The following GJA1 variants were observed in gnomAD, a reference collection of about 807,000 sequenced individuals.
The protein encoded by GJA1 is gap junction protein alpha 1.
GJA1 carries 9 observed loss-of-function variants against 31.0 expected under a neutral mutation model. The ratio of observed to expected loss-of-function variants is 0.29; its 90% CI spans 0.17 to 0.51. The LOEUF is 0.51. Among genes scored for constraint, GJA1 ranks in the 20% least tolerant of loss-of-function variants. The pLI is 0.98. For synonymous variants in GJA1, 186 were observed against 180.1 expected (o/e 1.03, Z -0.26); for missense variants, 278 against 468.8 (o/e 0.59, Z 3.76).
At chr6:121,444,105 T>C (rs951412291) in intron 1 of GJA1, among the ~76,000 whole-genome samples, 3 of 152,176 alleles carry the variant, frequency 2.0e-5, no homozygotes, top group Non-Finnish European at 2.9e-5. Flanking sequence ...ACCATCAAAC[T>C]GTCCATCACG....
chr6:121,436,292 A>G (rs1773662751), intron 1 of GJA1, among the ~76,000 whole-genome samples: 1 of 151,670 alleles, frequency 6.6e-6, no homozygotes, highest in Non-Finnish European at 1.5e-5. Context: ...TACACTTCAT[A>G]GAATAAAGTG....
intron 1 of GJA1, among the ~76,000 whole-genome samples, chr6:121,439,597 A>T (rs1179014678): frequency 6.6e-6 from 1 of 152,186 alleles, no homozygotes; most frequent in Non-Finnish European, 1.5e-5. Flanking sequence ...ATTGAGTAGT[A>T]GCTGTTGAAC....
In GJA1 at chr6:121,447,595, A is replaced by G. The variant is rs769333167; in HGVS notation, c.748A>G (p.Thr250Ala). ...VKGKSDPYHA[T>A]SGALSPAKDC... ...GGGAAAGAGCGACCCTTACCATGCG[A>G]CCAGTGGTGCGCTGAGCCCTGCCAA... Residue 250 changes from threonine (T) to alanine (A), a missense_variant, in exon 2 of 2, where the codon ACC becomes GCC. Coordinates refer to ENST00000282561, the MANE Select transcript of GJA1 (RefSeq NM_000165.5). 2 of 1,613,496 alleles carry G rather than the reference A, an allele frequency of 1.2e-6. No individual in the cohort carries two copies. The highest frequency in any genetic ancestry group is 2.7e-5 in the African/African-American group (2 of 74,728).
intron 1 of GJA1, among the ~76,000 whole-genome samples, chr6:121,441,970 G>A (rs1033376835): frequency 1.3e-5 from 2 of 152,074 alleles, no homozygotes; most frequent in South Asian, 4.1e-4. Context: ...ATATTTTTGG[G>A]TGTTAGTACA....
intron 1 of GJA1, among the ~76,000 whole-genome samples, chr6:121,444,108 C>T (rs1289631912): frequency 6.6e-6 from 1 of 152,096 alleles, no homozygotes; most frequent in Non-Finnish European, 1.5e-5. Context: ...ATCAAACTGT[C>T]CATCACGGCT....
intron 1 of GJA1, among the ~76,000 whole-genome samples, chr6:121,440,645 C>CT (rs538330262): frequency 0.13 from 18,155 of 137,250 alleles, 3,259 homozygotes; most frequent in African/African-American, 0.41. Flanking sequence ...AAAAAACAAA[C>CT]TTTTTTTTTT....
chr6:121,441,194 C>T (rs1360620509), intron 1 of GJA1, among the ~76,000 whole-genome samples: 3 of 152,072 alleles, frequency 2.0e-5, no homozygotes, highest in South Asian at 4.1e-4. Flanking sequence ...CCTCGTGATC[C>T]GCCCGCCTCG....
chr6:121,449,472 C>T lies in GJA1; in HGVS notation c.*1476C>T, dbSNP rs1773947933. ...TTGAACTATATGTTGAAGACATCTA[C>T]CAGTTTCTCCAAATGCCTTTTTTAA... On this transcript the variant is annotated 3_prime_UTR_variant, in exon 2 of 2. Coordinates refer to ENST00000282561, the MANE Select transcript of GJA1 (RefSeq NM_000165.5). The T allele has an allele frequency of 6.0e-6, 1 of 167,086 alleles. No homozygotes were observed. The highest frequency in any genetic ancestry group is 2.1e-4 in the South Asian group (1 of 4,832). 10.4% of individuals were successfully genotyped at this position (167,086 alleles called of 1,614,324 possible).
At chr6:121,446,701 G>GT (rs1731595774) in intron 1 of GJA1, 131 bp from the exon 2 acceptor site, 1 of 752,104 alleles carries the variant, frequency 1.3e-6, no homozygotes, top group South Asian at 1.5e-5. Context: ...TTTGCACTTG[G>GT]TTTTTTGTGA....
chr6:121,438,384 C>G (rs1773705179), intron 1 of GJA1, among the ~76,000 whole-genome samples: 1 of 152,192 alleles, frequency 6.6e-6, no homozygotes, highest in Non-Finnish European at 1.5e-5. Context: ...TGCAAAGATG[C>G]TCCGCAGGAG....
At chr6:121,436,499 A>T (rs1773665357) in intron 1 of GJA1, among the ~76,000 whole-genome samples, 1 of 152,202 alleles carries the variant, frequency 6.6e-6, no homozygotes, top group Non-Finnish European at 1.5e-5. Context: ...GTAAATTGTT[A>T]CTTTGTGTTA....
At chr6:121,445,465 T>C (rs1022666620) in intron 1 of GJA1, among the ~76,000 whole-genome samples, 1 of 152,140 alleles carries the variant, frequency 6.6e-6, no homozygotes, top group East Asian at 1.9e-4. Flanking sequence ...CTTTTTCTTA[T>C]CCTCAGTAAT....
intron 1 of GJA1, among the ~76,000 whole-genome samples, chr6:121,444,843 A>G (rs1292576890): frequency 6.6e-6 from 1 of 152,186 alleles, no homozygotes; most frequent in African/African-American, 2.4e-5. Flanking sequence ...ATTAGCCTAT[A>G]TTCCCTATGC....
At chr6:121,440,824 C>T (rs1270044421) in intron 1 of GJA1, among the ~76,000 whole-genome samples, 1 of 152,114 alleles carries the variant, frequency 6.6e-6, no homozygotes, top group Admixed American at 6.5e-5. Context: ...TCACTGCAGC[C>T]TCCGCCTCCC....
At position 121,449,089 on chromosome 6, in the gene GJA1, C is replaced by G. The variant is rs1413252483; in HGVS notation, c.*1093C>G. Reference sequence around the variant, plus strand: ...TGTTAATTATGATTCTTTATTTTCTCTCCTTTTTTTAGGATATAGCAGTAA... The same window carrying G: ...TGTTAATTATGATTCTTTATTTTCTGTCCTTTTTTTAGGATATAGCAGTAA... On this transcript the variant is annotated 3_prime_UTR_variant, in exon 2 of 2. Coordinates refer to ENST00000282561, the MANE Select transcript of GJA1 (RefSeq NM_000165.5). The G allele has an allele frequency of 6.0e-6, 1 of 166,238 alleles. No individual in the cohort carries two copies. Among genetic ancestry groups the G allele is most frequent in the African/African-American group, 2.4e-5 (1 of 41,406 alleles). 10.3% of individuals were successfully genotyped at this position (166,238 alleles called of 1,614,324 possible). A position where few individuals can be genotyped will look rare whatever the true frequency, so the allele number is the denominator to read the frequency against.
At chr6:121,441,481 T>C (rs1031912050) in intron 1 of GJA1, among the ~76,000 whole-genome samples, 3 of 152,114 alleles carry the variant, frequency 2.0e-5, no homozygotes, top group Admixed American at 1.3e-4. Context: ...ATCCTTCTCA[T>C]GGAAGGAGGT....
intron 1 of GJA1, among the ~76,000 whole-genome samples, chr6:121,437,679 G>A (rs1205350871): frequency 6.6e-6 from 1 of 152,076 alleles, no homozygotes; most frequent in Non-Finnish European, 1.5e-5. Context: ...AACGCTCATC[G>A]ATAAGCTCTC....
At position 121,447,698 on chromosome 6, in the gene GJA1, C is replaced by T; in HGVS notation, c.851C>T (p.Pro284Leu). The T allele has an allele frequency of 1.2e-6, 2 of 1,614,096 alleles. No individual in the cohort carries two copies. Among genetic ancestry groups the T allele is most frequent in the Non-Finnish European group, 1.7e-6 (2 of 1,180,030 alleles). Residue 284 changes from proline (P) to leucine (L), a missense_variant, in exon 2 of 2, where the codon CCT becomes CTT. Coordinates refer to ENST00000282561, the MANE Select transcript of GJA1 (RefSeq NM_000165.5). ...PTAPLSPMSP[P>L]GYKLVTGDRN... is the part of the protein sequence containing the mutation. The stretch of plus-strand genomic sequence containing the variant: ...GCTCCCCTCTCGCCTATGTCTCCTC[C>T]TGGGTACAAGCTGGTTACTGGCGAC...
rs1277898834 is a variant in GJA1 at position 121,446,832 on chromosome 6, G to C, written c.-16G>C. 6.3e-7 allele frequency: 1 copy of C among 1,589,320 alleles called. No individual in the cohort carries two copies. Among genetic ancestry groups the C allele is most frequent in the Non-Finnish European group, 8.6e-7 (1 of 1,157,260 alleles). ...TGAATTGTCTCTTTGTTTCTTTCAG[G>C]TGGTGCCCAGGCAACATGGGTGACT... On this transcript the variant is annotated splice_region_variant and 5_prime_UTR_variant, in exon 2 of 2. Coordinates refer to ENST00000282561, the MANE Select transcript of GJA1 (RefSeq NM_000165.5).
Sources: allele counts gnomAD v4.1 joint callset (sites outside exome capture counted in the v4.1 genomes callset), GRCh38; gene constraint gnomAD v4.1.1; transcripts MANE v1.5; gene names NCBI Gene and HGNC (gene_info 2026-07-23, HGNC 2026-07-21).